The following OTOG variants were observed in gnomAD, a reference collection of about 807,000 sequenced individuals.
OTOG encodes the protein otogelin.
Under a neutral mutation model 313.8 loss-of-function variants are expected in OTOG, and 296 were observed. That is an observed-to-expected ratio of 0.94 (90% CI 0.86 to 1.04). The LOEUF is 1.04. Ranked by LOEUF, OTOG falls within the 50% of genes least tolerant of loss-of-function variation. The pLI is 0.00. For missense variants in OTOG, 3,948 were observed against 3,840.1 expected (o/e 1.03, Z -0.74); for synonymous variants, 1,533 against 1,554.9 (o/e 0.99, Z 0.33).
intron 20 of OTOG, among the ~76,000 whole-genome samples, chr11:17,575,205 A>G (rs747781375): frequency 2.0e-5 from 3 of 152,176 alleles, no homozygotes; most frequent in Non-Finnish European, 2.9e-5. Flanking sequence ...CACATAATTT[A>G]TTGACTTTCT....
At chr11:17,561,323 G>C (rs1852177772) in intron 14 of OTOG, among the ~76,000 whole-genome samples, 186 bp downstream of exon 14, 1 of 152,244 alleles carries the variant, frequency 6.6e-6, no homozygotes, top group Non-Finnish European at 1.5e-5. Flanking sequence ...CCCCTGCCAG[G>C]AAGGGTTTTC....
At position 17,641,026 on chromosome 11, in the gene OTOG, G is replaced by A. The variant is rs189910531; in HGVS notation, c.8125G>A (p.Asp2709Asn). 525 of 1,417,358 alleles carry A rather than the reference G, an allele frequency of 3.7e-4. No homozygotes were observed. The highest frequency in any genetic ancestry group is 3.0e-3 in the Middle Eastern group (16 of 5,362). 87.8% of individuals were successfully genotyped at this position (1,417,358 alleles called of 1,614,324 possible). ...CHTSRCTTVLDPLTNFYQINT... is the reference protein window; with the variant it reads ...CHTSRCTTVLNPLTNFYQINT... ...CACCTCCCGCTGCACCACCGTGCTCGACCCTCTCACCAACTTCTACCAGAT... is the reference window on the plus strand; with the variant it reads ...CACCTCCCGCTGCACCACCGTGCTCAACCCTCTCACCAACTTCTACCAGAT... The change falls in exon 51 of 56, where the codon GAC becomes AAC. Residue 2709 changes from aspartate to asparagine, a missense_variant. Asp to Asn is a conservative substitution (Grantham distance 23). Transcript: ENST00000399397.
At chr11:17,594,219 C>T (rs1853033157) in intron 28 of OTOG, 53 bp downstream of exon 28, 5 of 1,548,598 alleles carry the variant, frequency 3.2e-6, no homozygotes, top group African/African-American at 2.7e-5. Context: ...TGGGCGCTGC[C>T]AGCACTGAAC....
chr11:17,580,581 G>A (rs1353011816), intron 23 of OTOG, among the ~76,000 whole-genome samples: 1 of 152,246 alleles, frequency 6.6e-6, no homozygotes, highest in Non-Finnish European at 1.5e-5. Flanking sequence ...ATGCAGACAG[G>A]TCTGCTAAGA....
At chr11:17,569,838 T>C (rs1006483974) in intron 16 of OTOG, among the ~76,000 whole-genome samples, 2 of 152,216 alleles carry the variant, frequency 1.3e-5, no homozygotes, top group Admixed American at 6.5e-5. Flanking sequence ...AATTGTATCA[T>C]GAGCTTCCAT....
chr11:17,645,301 T>G (rs1353122908), intron 54 of OTOG, among the ~76,000 whole-genome samples: 1 of 152,208 alleles, frequency 6.6e-6, no homozygotes, highest in Admixed American at 6.5e-5. Context: ...TTCTCTGCCC[T>G]AGCACAGAGT....
At chr11:17,571,758 CGT>C (rs149158412) in intron 17 of OTOG, among the ~76,000 whole-genome samples, 10 of 149,998 alleles carry the variant, frequency 6.7e-5, no homozygotes, top group South Asian at 2.1e-4. Context: ...TGTGTGTCTG[CGT>C]GTGTGTGTGT....
rs1186534640 is a variant in OTOG, at chr11:17,574,888, C to A, written c.2462C>A (p.Thr821Asn). ...TGCCCACCGGACACCTATCTGGACA[C>A]CCAGGCTGACCTCTGTGTCCCCCGG... ...CACPPDTYLD[T>N]QADLCVPRNQ... The change falls in exon 20 of 56, where the codon ACC becomes AAC. Residue 821 changes from threonine to asparagine, a missense_variant. Thr to Asn is a moderately conservative substitution (Grantham distance 65, BLOSUM62 0). Transcript: ENST00000399397. 3.3e-6 allele frequency: 5 copies of A among 1,526,558 alleles called. No homozygotes were observed. In the African/African-American group the frequency reaches 5.5e-5, roughly 17 times the overall value. 94.6% of individuals were successfully genotyped at this position (1,526,558 alleles called of 1,614,324 possible). A position where few individuals can be genotyped will look rare whatever the true frequency, so the allele number is the denominator to read the frequency against.
At chr11:17,599,553 C>A in intron 30 of OTOG, 118 bp from the exon 31 acceptor site, 1 of 1,101,730 alleles carries the variant, frequency 9.1e-7, no homozygotes, top group Non-Finnish European at 1.3e-6. Context: ...ATGTGGGAGG[C>A]AGGCCAGGCC....
chr11:17,570,252 G>A lies in OTOG; in HGVS notation c.1817G>A (p.Arg606Gln), dbSNP rs956478087. 2.1e-5 allele frequency: 32 copies of A among 1,550,746 alleles called. No individual in the cohort carries two copies. Among genetic ancestry groups the A allele is most frequent in the South Asian group, 4.8e-5 (4 of 84,062 alleles). ...EIRRLSSVFL[R>Q]VRTNVGVRVL... is the part of the protein sequence containing the mutation. ...CGTAGGCTGTCCTCCGTGTTCCTGCGGGTGAGGACGAACGTGGGCGTGCGG... is the reference window on the plus strand; with the variant it reads ...CGTAGGCTGTCCTCCGTGTTCCTGCAGGTGAGGACGAACGTGGGCGTGCGG... Residue 606 changes from arginine (R) to glutamine (Q), a missense_variant, in exon 17 of 56, where the codon CGG becomes CAG. Coordinates refer to ENST00000399397, the MANE Select transcript of OTOG (RefSeq NM_001292063.2).
intron 39 of OTOG, among the ~76,000 whole-genome samples, chr11:17,627,066 A>G (rs1854001346): frequency 6.6e-6 from 1 of 152,198 alleles, no homozygotes; most frequent in Admixed American, 6.5e-5. Context: ...GTCTGCAAAC[A>G]GGATAATTTA....
Position 17,613,516 on chromosome 11 carries a change from T to A in OTOG, c.6439-96T>A, listed in dbSNP as rs1209132812. ...GCCCCTGGCATAGTGCAGGGGGTAG[T>A]CAGGGGAGACTGTACTCACATTTGC... On this transcript the variant is annotated intron_variant, in intron 38 of 55. Coordinates refer to ENST00000399397, the MANE Select transcript of OTOG (RefSeq NM_001292063.2). 19 of 1,029,450 alleles carry A rather than the reference T, an allele frequency of 1.8e-5. No homozygotes were observed. In the East Asian group the frequency reaches 4.7e-4, roughly 25 times the overall value. The allele number at this position is 1,029,450 out of a possible 1,614,324, so 63.8% of individuals were successfully genotyped here.
Position 17,553,109 on chromosome 11 carries a change from T to C in OTOG, c.293-10T>C, listed in dbSNP as rs931836301. On this transcript the variant is annotated splice_polypyrimidine_tract_variant and intron_variant, in intron 4 of 55. Coordinates refer to ENST00000399397, the MANE Select transcript of OTOG (RefSeq NM_001292063.2). ...CTTGATGGGGCAATGACTCTGTGTC[T>C]CCCATGCAGACTTGTTCTCCTGCTT... 3.2e-6 allele frequency: 5 copies of C among 1,550,326 alleles called. No individual in the cohort carries two copies. In the Admixed American group the frequency reaches 9.8e-5, roughly 30 times the overall value.
At chr11:17,566,444 G>C (rs944835879) in intron 15 of OTOG, among the ~76,000 whole-genome samples, 4 of 152,154 alleles carry the variant, frequency 2.6e-5, no homozygotes, top group African/African-American at 9.7e-5. Context: ...AGAGCCGACT[G>C]TATATGCATA....
intron 24 of OTOG, among the ~76,000 whole-genome samples, chr11:17,590,567 T>TCGGTG (rs1852906915): frequency 6.6e-6 from 1 of 152,244 alleles, no homozygotes; most frequent in Non-Finnish European, 1.5e-5. Flanking sequence ...GAGCTTAGGC[T>TCGGTG]CGGTGCGGCA....
At position 17,609,871 on chromosome 11, in the gene OTOG, G is replaced by T; in HGVS notation, c.4571G>T (p.Gly1524Val). 1 of 1,515,686 alleles carries T rather than the reference G, an allele frequency of 6.6e-7. No individual in the cohort carries two copies. Among genetic ancestry groups the T allele is most frequent in the Non-Finnish European group, 8.9e-7 (1 of 1,126,566 alleles). The allele number at this position is 1,515,686 out of a possible 1,614,324, so 93.9% of individuals were successfully genotyped here. A position where few individuals can be genotyped will look rare whatever the true frequency, so the allele number is the denominator to read the frequency against. ...TATEEPVVSP[G>V]PTQTTLQQPL... ...ACTGAGGAGCCAGTGGTGTCTCCAG[G>T]CCCCACCCAGACCACCCTGCAGCAG... is the stretch of plus-strand genomic sequence containing the variant. Residue 1524 changes from glycine to valine, a missense_variant, in exon 36 of 56, where the codon GGC becomes GTC. Gly to Val is a moderately radical substitution (Grantham distance 109, BLOSUM62 -3). Transcript: ENST00000399397.
intron 48 of OTOG, chr11:17,638,914 G>C: frequency 1.6e-6 from 1 of 626,312 alleles, no homozygotes; most frequent in Non-Finnish European, 2.5e-6. Flanking sequence ...TGGCCAAGAC[G>C]GTGAAACCCT....
chr11:17,611,413 C>T lies in OTOG; in HGVS notation c.6113C>T (p.Thr2038Ile). ...ACTACCACTGAGGCCAATACATCCA[C>T]CACCTGTGTTGTGAGTGATTTGCCA... ...LATTTEANTS[T>I]TCVPIAEQDC... The change falls in exon 36 of 56, where the codon ACC becomes ATC. Residue 2038 changes from threonine (T) to isoleucine (I), a missense_variant. Coordinates refer to ENST00000399397, the MANE Select transcript of OTOG (RefSeq NM_001292063.2). The T allele has an allele frequency of 4.6e-6, 7 of 1,524,686 alleles. No individual in the cohort carries two copies. Among genetic ancestry groups the T allele is most frequent in the Non-Finnish European group, 6.2e-6 (7 of 1,130,328 alleles). 94.4% of individuals were successfully genotyped at this position (1,524,686 alleles called of 1,614,324 possible). A position where few individuals can be genotyped will look rare whatever the true frequency, so the allele number is the denominator to read the frequency against.
intron 39 of OTOG, among the ~76,000 whole-genome samples, chr11:17,623,632 G>A (rs1853916758): frequency 6.6e-6 from 1 of 152,158 alleles, no homozygotes; most frequent in South Asian, 2.1e-4. Context: ...GTTTATGATA[G>A]AATAATTTAT....
Sources: allele counts gnomAD v4.1 joint callset (sites outside exome capture counted in the v4.1 genomes callset), GRCh38; gene constraint gnomAD v4.1.1; transcripts MANE v1.5; gene names NCBI Gene and HGNC (gene_info 2026-07-23, HGNC 2026-07-21).